Variants in UBAP1 observed in about 807,000 individuals in gnomAD.
UBAP1 encodes ubiquitin-associated protein 1.
Under a neutral mutation model 39.0 loss-of-function variants are expected in UBAP1, and 5 were observed. The observed-to-expected ratio is 0.13, with a 90% CI of 0.07 to 0.27. The LOEUF is 0.27. UBAP1 is among the 10% of genes least tolerant of loss of function. UBAP1 has a pLI of 1.00. For synonymous variants in UBAP1, 211 were observed against 225.1 expected, an observed-to-expected ratio of 0.94 and a Z score of 0.56; for missense variants, 490 against 608.1, an observed-to-expected ratio of 0.81 and a Z score of 2.04.
chr9:34,179,181 G>C lies in UBAP1; in HGVS notation c.-67G>C. ...GGGAGCTCAGCGGGGACCGAGCCTG[G>C]GAGGCCGGCCGGTGCCAGCACCTTT... is the stretch of plus-strand genomic sequence containing the variant. On this transcript the variant is annotated 5_prime_UTR_variant, in exon 1 of 7. Transcript: ENST00000297661. 1 of 1,237,724 alleles carries C rather than the reference G, an allele frequency of 8.1e-7. No homozygotes were observed. The highest frequency in any genetic ancestry group is 1.0e-6 in the Non-Finnish European group (1 of 989,394). The allele number at this position is 1,237,724 out of a possible 1,614,324, so 76.7% of individuals were successfully genotyped here.
In UBAP1 at chr9:34,183,863, C is replaced by T. The variant is rs34264868; in HGVS notation, c.-8+4623C>T. On this transcript the variant is annotated intron_variant, in intron 1 of 6. Transcript: ENST00000297661. ...TCAGCTCACCGCAACTGCCGCCTCC[C>T]GGGTTCAAGTGATTCTCCTACCCCA... Among the ~76,000 whole-genome samples, 578 of 151,646 alleles carry T rather than the reference C, an allele frequency of 3.8e-3. 4 individuals carry two copies. The highest frequency in any genetic ancestry group is 4.6e-3 in the Non-Finnish European group (311 of 67,940).
chr9:34,197,996 G>C (rs140422490), intron 1 of UBAP1, among the ~76,000 whole-genome samples: 1 of 152,338 alleles, frequency 6.6e-6, no homozygotes, highest in African/African-American at 2.4e-5. Context: ...TGGGTCAGCT[G>C]GTAGTATCTG....
intron 2 of UBAP1, among the ~76,000 whole-genome samples, chr9:34,230,712 C>T (rs908525176): frequency 2.0e-5 from 3 of 152,114 alleles, no homozygotes; most frequent in Admixed American, 6.5e-5. Flanking sequence ...TGTGATGGCA[C>T]CCGGCACTTT....
In UBAP1 at chr9:34,224,090, C is replaced by G. The variant is rs557295116; in HGVS notation, c.34+3142C>G. The G allele has an allele frequency of 5.6e-6, 4 of 715,956 alleles. No homozygotes were observed. In the Admixed American group the frequency reaches 1.1e-4, roughly 20 times the overall value. The allele number at this position is 715,956 out of a possible 1,614,324, so 44.4% of individuals were successfully genotyped here. A position where few individuals can be genotyped will look rare whatever the true frequency, so the allele number is the denominator to read the frequency against. ...ACACTGTCCCGGCCTTGAAGTGATG[C>G]ACGCAAGAAGCTTGCCCTGCTGGAA... is the stretch of plus-strand genomic sequence containing the variant. On this transcript the variant is annotated intron_variant, in intron 2 of 6. Transcript: ENST00000297661.
chr9:34,203,870 A>G (rs1255624478), intron 1 of UBAP1, among the ~76,000 whole-genome samples: 1 of 152,154 alleles, frequency 6.6e-6, no homozygotes, highest in African/African-American at 2.4e-5. Flanking sequence ...AGGCTGTATT[A>G]TTTCTGTGGG....
chr9:34,182,615 CCTTCTTTCTTT>C, intron 1 of UBAP1, among the ~76,000 whole-genome samples: 2 of 145,250 alleles, frequency 1.4e-5, no homozygotes, highest in African/African-American at 5.2e-5. Context: ...TTCTTTCTTT[CCTTCTTTCTTT>C]CTTTCTTTCT....
intron 2 of UBAP1, among the ~76,000 whole-genome samples, chr9:34,225,887 A>C (rs1374246448): frequency 6.6e-6 from 1 of 152,102 alleles, no homozygotes. Context: ...TTGAGACTCT[A>C]ATTTATGAAA....
At chr9:34,232,892 T>C (rs939661500) in intron 2 of UBAP1, among the ~76,000 whole-genome samples, 2 of 152,230 alleles carry the variant, frequency 1.3e-5, no homozygotes, top group East Asian at 3.8e-4. Context: ...GCCTGTAAAT[T>C]AGCCTCCCAG....
chr9:34,240,742 C>T (rs892269601), intron 3 of UBAP1, among the ~76,000 whole-genome samples: 6 of 128,510 alleles, frequency 4.7e-5, no homozygotes, highest in African/African-American at 1.6e-4. Flanking sequence ...TTCCATTTAG[C>T]TACCAGCTTT....
At chr9:34,222,257 G>A (rs1832799983) in intron 2 of UBAP1, among the ~76,000 whole-genome samples, 1 of 152,186 alleles carries the variant, frequency 6.6e-6, no homozygotes, top group South Asian at 2.1e-4. Flanking sequence ...GAGTGGTGTA[G>A]CGGTGATTGT....
Position 34,220,927 on chromosome 9 carries a change from A to G in UBAP1, c.13A>G (p.Lys5Glu), listed in dbSNP as rs564543267. 2.4e-5 allele frequency: 38 copies of G among 1,613,548 alleles called. No homozygotes were observed. In the South Asian group the frequency reaches 3.8e-4, roughly 16 times the overall value. Residue 5 changes from lysine (K) to glutamate (E), a missense_variant, in exon 2 of 7, where the codon AAG (lysine) becomes GAG (glutamate). Around this residue, in one of 3 missense-constraint regions of UBAP1, gnomAD observed 144 missense variants for 184.4 expected, o/e 0.78. Coordinates refer to ENST00000297661, the MANE Select transcript of UBAP1 (RefSeq NM_016525.5). ...TTTCAGGTTCTAAATGGCTTCTAAG[A>G]AGTTGGGTGCAGATTTTCATGGTAA... MASK[K>E]LGADFHGTFS...
intron 2 of UBAP1, among the ~76,000 whole-genome samples, chr9:34,223,822 C>T (rs1238672704): frequency 6.6e-6 from 1 of 152,156 alleles, no homozygotes; most frequent in Non-Finnish European, 1.5e-5. Context: ...TTCTTTCTCC[C>T]TTAGGCTGCT....
intron 2 of UBAP1, among the ~76,000 whole-genome samples, chr9:34,229,944 G>T (rs1352640970): frequency 6.6e-6 from 1 of 151,792 alleles, no homozygotes; most frequent in Non-Finnish European, 1.5e-5. Context: ...CAAAGTGTTG[G>T]GATTACAGGC....
intron 2 of UBAP1, among the ~76,000 whole-genome samples, chr9:34,225,894 G>A (rs1563910871): frequency 6.6e-6 from 1 of 151,768 alleles, no homozygotes; most frequent in Non-Finnish European, 1.5e-5. Context: ...TCTAATTTAT[G>A]AAAAAATAGA....
chr9:34,239,377 A>C (rs960111117), intron 3 of UBAP1, among the ~76,000 whole-genome samples: 2 of 152,224 alleles, frequency 1.3e-5, no homozygotes, highest in African/African-American at 4.8e-5. Flanking sequence ...ATGGGGTTGT[A>C]GTGTTGTATC....
intron 2 of UBAP1, among the ~76,000 whole-genome samples, chr9:34,221,912 G>GA (rs1246441948): frequency 2.6e-5 from 4 of 152,078 alleles, no homozygotes; most frequent in African/African-American, 9.7e-5. Flanking sequence ...TTTAAAACCA[G>GA]AAGTAGCCAA....
In UBAP1 at chr9:34,241,751, CTG is replaced by C; in HGVS notation, c.729_730del (p.Cys243Ter). 6.2e-7 allele frequency: 1 copy of C among 1,614,094 alleles called. No homozygotes were observed. The highest frequency in any genetic ancestry group is 8.5e-7 in the Non-Finnish European group (1 of 1,180,008). ...GFITLPQLGN[C>X]EKMSLSSKVS... is the part of the protein sequence containing the mutation. ...TTATAACCTTACCACAGTTGGGCAA[CTG>C]TGAAAAGATGTCACTGTCTTCCAAA... On this transcript the variant is annotated frameshift_variant, in exon 4 of 7. Transcript: ENST00000297661. LOFTEE classifies it high-confidence loss of function.
chr9:34,220,876 A>G, intron 1 of UBAP1, 32 bp from the exon 2 acceptor site: 1 of 1,606,880 alleles, frequency 6.2e-7, no homozygotes. Context: ...TCAAGGTATA[A>G]TGTGCCTAAG....
At chr9:34,188,856 C>T (rs1830559461) in intron 1 of UBAP1, among the ~76,000 whole-genome samples, 1 of 152,050 alleles carries the variant, frequency 6.6e-6, no homozygotes. Flanking sequence ...ACTCAGGAGG[C>T]TGAGGCAGGA....
Sources: gnomAD v4.1 joint callset for allele counts (sites outside exome capture counted in the v4.1 genomes callset) on GRCh38, gnomAD v4.1.1 for gene constraint, gnomAD v4.1.1 regional missense constraint, MANE v1.5 for transcripts, NCBI Gene and HGNC (gene_info 2026-07-23, HGNC 2026-07-21) for gene names.